The following PIEZO2 variants were observed in gnomAD, a reference collection of about 807,000 sequenced individuals.
PIEZO2 encodes the protein piezo-type mechanosensitive ion channel component 2.
Under a neutral mutation model 337.3 loss-of-function variants are expected in PIEZO2, and 172 were observed. The ratio of observed to expected loss-of-function variants is 0.51; its 90% CI spans 0.45 to 0.58. The LOEUF (loss-of-function observed/expected upper bound fraction) is 0.58. Ranked by LOEUF, PIEZO2 falls within the 20% of genes least tolerant of loss-of-function variation. The probability of loss-of-function intolerance (pLI) is 0.00; values close to 1 mark genes in which losing one functional copy is unlikely to be tolerated. For missense variants in PIEZO2, 3,028 were observed against 3,391.3 expected, an observed-to-expected ratio of 0.89 and a Z score of 2.66; for synonymous variants, 1,251 against 1,228.5, an observed-to-expected ratio of 1.02 and a Z score of -0.38.
intron 2 of PIEZO2, among the ~76,000 whole-genome samples, chr18:11,023,946 G>A (rs2036424369): frequency 2.0e-5 from 3 of 152,178 alleles, no homozygotes; most frequent in African/African-American, 7.2e-5. Flanking sequence ...TCTGAGTGCG[G>A]GGCCGCCGAG....
chr18:10,742,489 C>T lies in PIEZO2; in HGVS notation c.4636+5G>A. ...CTTGAATAAGAGGAAAATGTCTTGACATACTTTCATCATCCTCTTCAGAGA... is the reference window on the plus strand; with the variant it reads ...CTTGAATAAGAGGAAAATGTCTTGATATACTTTCATCATCCTCTTCAGAGA... On this transcript the variant is annotated splice_donor_5th_base_variant and intron_variant, in intron 32 of 55. Coordinates refer to ENST00000674853, the MANE Select transcript of PIEZO2 (RefSeq NM_001378183.1). 6.5e-7 allele frequency: 1 copy of T among 1,537,134 alleles called. No individual in the cohort carries two copies. The highest frequency in any genetic ancestry group is 2.4e-5 in the East Asian group (1 of 40,912).
At chr18:10,963,429 A>T (rs957430610) in intron 3 of PIEZO2, among the ~76,000 whole-genome samples, 1 of 152,240 alleles carries the variant, frequency 6.6e-6, no homozygotes, top group South Asian at 2.1e-4. Context: ...GTCTCACCAA[A>T]TACATATCAC....
At chr18:10,717,052 T>C in intron 37 of PIEZO2, among the ~76,000 whole-genome samples, 1 of 152,186 alleles carries the variant, frequency 6.6e-6, no homozygotes, top group East Asian at 1.9e-4. Context: ...GCACACACTC[T>C]GGATTCAGAC....
chr18:10,995,077 C>CAAAAAAAAAAAAAA (rs767666232), intron 2 of PIEZO2, among the ~76,000 whole-genome samples: 17 of 28,220 alleles, frequency 6.0e-4, no homozygotes, highest in African/African-American at 1.7e-3. Flanking sequence ...GACTCCGTCT[C>CAAAAAAAAAAAAAA]AAAAAAAAAA....
At chr18:11,139,484 C>T (rs904503706) in intron 1 of PIEZO2, among the ~76,000 whole-genome samples, 3 of 151,964 alleles carry the variant, frequency 2.0e-5, no homozygotes, top group Non-Finnish European at 4.4e-5. Flanking sequence ...ATTATGACGC[C>T]CTAATAAATA....
intron 1 of PIEZO2, among the ~76,000 whole-genome samples, chr18:11,089,989 A>T (rs897225595): frequency 5.3e-5 from 8 of 152,174 alleles, no homozygotes; most frequent in African/African-American, 1.9e-4. Context: ...GTGTAATCAG[A>T]GATTCTAAAG....
intron 2 of PIEZO2, among the ~76,000 whole-genome samples, chr18:11,065,285 G>T (rs2038111654): frequency 6.6e-6 from 1 of 152,234 alleles, no homozygotes; most frequent in African/African-American, 2.4e-5. Context: ...CCACTCCATA[G>T]ATGGGGTCAA....
In PIEZO2 at chr18:10,773,568, C is replaced by G; in HGVS notation, c.2629G>C (p.Glu877Gln). Residue 877 changes from glutamate (E) to glutamine (Q), a missense_variant, in exon 20 of 56, where the codon GAG becomes CAG. Transcript: ENST00000674853. This position sits in a 1 kb window ranked among gnomAD's most constrained non-coding sequence, Gnocchi z 5.3. Reference protein sequence around the residue: ...LTMMHLTASLEKPEVRKLAEP... With the variant: ...LTMMHLTASLQKPEVRKLAEP... ...GCCAACTTCCTCACCTCCGGCTTCT[C>G]CAGGCTGGCAGTCAGATGCATCATG... is the stretch of plus-strand genomic sequence containing the variant. The G allele has an allele frequency of 6.5e-7, 1 of 1,537,430 alleles. No homozygotes were observed. The highest frequency in any genetic ancestry group is 1.2e-5 in the South Asian group (1 of 84,068).
At chr18:10,701,266 G>A (rs141063033) in intron 43 of PIEZO2, among the ~76,000 whole-genome samples, 3 of 152,212 alleles carry the variant, frequency 2.0e-5, no homozygotes, top group Non-Finnish European at 4.4e-5. Context: ...CTATTTATTA[G>A]AATTAAATGG....
chr18:10,758,504 GGT>G (rs2037981811), intron 26 of PIEZO2, among the ~76,000 whole-genome samples: 4 of 152,058 alleles, frequency 2.6e-5, no homozygotes. Context: ...GGAGTGCAGT[GGT>G]GCGATCTTGG....
At chr18:11,114,633 C>G (rs2039832109) in intron 1 of PIEZO2, among the ~76,000 whole-genome samples, 1 of 151,878 alleles carries the variant, frequency 6.6e-6, no homozygotes, top group Admixed American at 6.6e-5. Context: ...CCACTGCACT[C>G]CAGCCTGGGC....
chr18:10,961,876 A>C (rs1215664288), intron 3 of PIEZO2, among the ~76,000 whole-genome samples: 2 of 152,224 alleles, frequency 1.3e-5, no homozygotes, highest in Non-Finnish European at 2.9e-5. Flanking sequence ...AATTTAAACA[A>C]ATAACAAAGA....
At position 11,069,764 on chromosome 18, in the gene PIEZO2, T is replaced by C. The variant is rs1265925137; in HGVS notation, c.65-3542A>G. Among the ~76,000 whole-genome samples the C allele has an allele frequency of 6.6e-6, 1 of 152,234 alleles. No homozygotes were observed. Among genetic ancestry groups the C allele is most frequent in the African/African-American group, 2.4e-5 (1 of 41,462 alleles). On this transcript the variant is annotated intron_variant, in intron 1 of 55. Transcript: ENST00000674853. The surrounding 1 kb of genome is among the most constrained non-coding windows in gnomAD (Gnocchi z 4.9). Reference sequence around the variant, plus strand: ...TGTGTTTGCAGATGACATGATCTTATATTAAGAAAACCCTAAAGATTCAAC... The same window carrying C: ...TGTGTTTGCAGATGACATGATCTTACATTAAGAAAACCCTAAAGATTCAAC...
At chr18:10,822,138 T>C (rs1196116750) in intron 7 of PIEZO2, among the ~76,000 whole-genome samples, 1 of 152,238 alleles carries the variant, frequency 6.6e-6, no homozygotes, top group East Asian at 1.9e-4. Flanking sequence ...CATTGTGCTA[T>C]ATAAATTTTA....
intron 5 of PIEZO2, 65 bp downstream of exon 5, chr18:10,871,188 T>G: frequency 1.4e-6 from 2 of 1,434,162 alleles, no homozygotes; most frequent in Non-Finnish European, 1.9e-6. Flanking sequence ...ATCATAGTTC[T>G]GCAACTTATT....
intron 2 of PIEZO2, among the ~76,000 whole-genome samples, chr18:10,991,571 T>C (rs574876392): frequency 6.6e-6 from 1 of 152,310 alleles, no homozygotes; most frequent in South Asian, 2.1e-4. Flanking sequence ...CATCCTTTTC[T>C]ATGGCTGCAT....
At chr18:11,100,142 A>C (rs2039370710) in intron 1 of PIEZO2, among the ~76,000 whole-genome samples, 1 of 152,210 alleles carries the variant, frequency 6.6e-6, no homozygotes, top group Non-Finnish European at 1.5e-5. Context: ...TTCTCACTGA[A>C]CATACATGAA....
Position 10,789,354 on chromosome 18 carries a change from G to C in PIEZO2, c.1894C>G (p.Gln632Glu). The change falls in exon 15 of 56, where the codon CAA (glutamine) becomes GAA (glutamate). Residue 632 changes from glutamine (Q) to glutamate (E), a missense_variant. Around this residue, in one of 5 missense-constraint regions of PIEZO2, gnomAD observed 1,925 missense variants for 2,051.9 expected, o/e 0.94. Coordinates refer to ENST00000674853, the MANE Select transcript of PIEZO2 (RefSeq NM_001378183.1). ...QENEEKDEEL[Q>E]DIQVEGEPKE... ...GGCTCTCCTTCCACTTGTATATCTTGAAGTTCCTCATCTTCAAATAGAAAA... is the reference window on the plus strand; with the variant it reads ...GGCTCTCCTTCCACTTGTATATCTTCAAGTTCCTCATCTTCAAATAGAAAA... 2.0e-6 allele frequency: 3 copies of C among 1,535,514 alleles called. No homozygotes were observed. The highest frequency in any genetic ancestry group is 8.7e-7 in the Non-Finnish European group (1 of 1,146,326).
intron 1 of PIEZO2, among the ~76,000 whole-genome samples, chr18:11,123,805 G>A (rs564399418): frequency 1.4e-4 from 19 of 134,542 alleles, no homozygotes; most frequent in African/African-American, 4.9e-4. Context: ...GGGAGACTCC[G>A]TCTCAAAAAA....
Sources: allele counts gnomAD v4.1 joint callset (sites outside exome capture counted in the v4.1 genomes callset), GRCh38; gene constraint gnomAD v4.1.1; regional missense constraint gnomAD v4.1.1; non-coding constraint Gnocchi (gnomAD v3.1); transcripts MANE v1.5; gene names NCBI Gene and HGNC (gene_info 2026-07-23, HGNC 2026-07-21).